The following KIAA0319L variants were observed in gnomAD, a reference collection of about 807,000 sequenced individuals.
KIAA0319L encodes the protein KIAA0319 like.
KIAA0319L carries 55 observed loss-of-function variants against 120.1 expected under a neutral mutation model. That is an observed-to-expected ratio of 0.46 (90% CI 0.37 to 0.57). The LOEUF is 0.57. Ranked by LOEUF, KIAA0319L falls within the 20% of genes least tolerant of loss-of-function variation. The pLI is 0.00. For missense variants in KIAA0319L, 1,049 were observed against 1,255.3 expected (o/e 0.84, Z 2.48); for synonymous variants, 398 against 471.9 (o/e 0.84, Z 2.03).
intron 2 of KIAA0319L, among the ~76,000 whole-genome samples, chr1:35,507,741 C>G (rs993213418): frequency 6.6e-6 from 1 of 152,206 alleles, no homozygotes; most frequent in Non-Finnish European, 1.5e-5. Flanking sequence ...ATCATAGTAT[C>G]AGCCAGAGTG....
At chr1:35,521,313 T>C (rs1037230867) in intron 2 of KIAA0319L, among the ~76,000 whole-genome samples, 2 of 151,922 alleles carry the variant, frequency 1.3e-5, no homozygotes, top group African/African-American at 4.8e-5. Flanking sequence ...ACCTCCAGCC[T>C]GGGCGAGAGA....
At chr1:35,452,786 C>A (rs1642157403) in intron 12 of KIAA0319L, among the ~76,000 whole-genome samples, 1 of 152,068 alleles carries the variant, frequency 6.6e-6, no homozygotes, top group Admixed American at 6.6e-5. Context: ...TTTGTATAGT[C>A]AAATTAAAGT....
At position 35,434,680 on chromosome 1, in the gene KIAA0319L, C is replaced by A; in HGVS notation, c.*214G>T. Reference sequence around the variant, plus strand: ...TGAGGTGAGGATATCTGGGGGCCCACCAGACAGGTTTAAAGAGGAAACCTC... The same window carrying A: ...TGAGGTGAGGATATCTGGGGGCCCAACAGACAGGTTTAAAGAGGAAACCTC... On this transcript the variant is annotated 3_prime_UTR_variant, in exon 21 of 21. Coordinates refer to ENST00000325722, the MANE Select transcript of KIAA0319L (RefSeq NM_024874.5). 1 of 526,964 alleles carries A rather than the reference C, an allele frequency of 1.9e-6. No individual in the cohort carries two copies. The allele number at this position is 526,964 out of a possible 1,614,324, so 32.6% of individuals were successfully genotyped here.
chr1:35,545,109 C>A (rs1346756199), intron 2 of KIAA0319L, among the ~76,000 whole-genome samples: 1 of 152,102 alleles, frequency 6.6e-6, no homozygotes, highest in Admixed American at 6.5e-5. Flanking sequence ...CCCTGCCAGT[C>A]CGTGGCTAGA....
At chr1:35,549,144 G>A (rs979850964) in intron 2 of KIAA0319L, among the ~76,000 whole-genome samples, 5 of 151,692 alleles carry the variant, frequency 3.3e-5, no homozygotes, top group African/African-American at 4.8e-5. Context: ...TTGAACTCCC[G>A]GGCTCAGGTG....
In KIAA0319L at chr1:35,437,860, T is replaced by G. The variant is rs1215994901; in HGVS notation, c.2963-2779A>C. On this transcript the variant is annotated intron_variant, in intron 20 of 20. Transcript: ENST00000325722. This position sits in a 1 kb window ranked among gnomAD's most constrained non-coding sequence, Gnocchi z 4.1. Reference sequence around the variant, plus strand: ...GACTCTTCTGCTGAGTTCCATTTAATTCATCTTCTCTTACCCAGTCACTGC... The same window carrying G: ...GACTCTTCTGCTGAGTTCCATTTAAGTCATCTTCTCTTACCCAGTCACTGC... 6.6e-6 allele frequency among the ~76,000 whole-genome samples: 1 copy of G among 152,200 alleles called. No individual in the cohort carries two copies. The highest frequency in any genetic ancestry group is 1.5e-5 in the Non-Finnish European group (1 of 68,034).
chr1:35,540,948 C>CT (rs1368359207), intron 2 of KIAA0319L, among the ~76,000 whole-genome samples: 113 of 149,344 alleles, frequency 7.6e-4, no homozygotes, highest in Admixed American at 1.3e-3. Flanking sequence ...TTAATTTTCC[C>CT]TTTTTTTTTT....
In KIAA0319L at chr1:35,442,277, G is replaced by A. The variant is rs1641281898; in HGVS notation, c.2839C>T (p.Leu947=). The A allele has an allele frequency of 6.2e-7, 1 of 1,613,818 alleles. No homozygotes were observed. Among genetic ancestry groups the A allele is most frequent in the Non-Finnish European group, 8.5e-7 (1 of 1,179,678 alleles). The change falls in exon 19 of 21, where the codon CTG becomes TTG. Residue 947 remains leucine, a synonymous_variant. Coordinates refer to ENST00000325722, the MANE Select transcript of KIAA0319L (RefSeq NM_024874.5). ...CAACAACAGATCACAGTCCAAGACA[G>A]GATTCCCAAGGCAACAACAATGACA... ...TFVIVVALGI[L]SWTVICCCKR...
intron 3 of KIAA0319L, among the ~76,000 whole-genome samples, chr1:35,486,962 G>T (rs571928446): frequency 6.6e-6 from 1 of 152,214 alleles, no homozygotes; most frequent in South Asian, 2.1e-4. Flanking sequence ...ACATATGATA[G>T]CTACTTTGAA....
At chr1:35,522,469 A>G (rs933147899) in intron 2 of KIAA0319L, among the ~76,000 whole-genome samples, 9 of 151,770 alleles carry the variant, frequency 5.9e-5, no homozygotes, top group Admixed American at 5.9e-4. Context: ...TAGTAGAGAC[A>G]GGGTTTCACC....
intron 3 of KIAA0319L, among the ~76,000 whole-genome samples, chr1:35,505,863 A>G (rs931605516): frequency 9.8e-5 from 15 of 152,338 alleles, no homozygotes; most frequent in African/African-American, 3.6e-4. Flanking sequence ...GATACAGTGC[A>G]ACAATTAGTA....
intron 2 of KIAA0319L, among the ~76,000 whole-genome samples, chr1:35,553,078 CTG>C (rs770351000): frequency 1.8e-4 from 27 of 150,548 alleles, no homozygotes; most frequent in Non-Finnish European, 3.0e-4. Context: ...TGGAGTGACA[CTG>C]TCTTAAAAAA....
intron 2 of KIAA0319L, among the ~76,000 whole-genome samples, chr1:35,516,758 T>C (rs1417893374): frequency 6.6e-6 from 1 of 152,128 alleles, no homozygotes; most frequent in Non-Finnish European, 1.5e-5. Context: ...GGCGAGGAAG[T>C]CCAACTATCC....
At chr1:35,531,367 G>A (rs1045392378) in intron 2 of KIAA0319L, among the ~76,000 whole-genome samples, 11 of 152,208 alleles carry the variant, frequency 7.2e-5, no homozygotes, top group African/African-American at 2.7e-4. Flanking sequence ...CTTGCTGCTA[G>A]AGCCCTCTAG....
Position 35,506,819 on chromosome 1 carries a change from C to T in KIAA0319L, c.459G>A (p.Gly153=), listed in dbSNP as rs768950739. 6.2e-7 allele frequency: 1 copy of T among 1,614,190 alleles called. No individual in the cohort carries two copies. Among genetic ancestry groups the T allele is most frequent in the Non-Finnish European group, 8.5e-7 (1 of 1,180,022 alleles). Residue 153 remains glycine (G), a synonymous_variant, in exon 3 of 21, where the codon GGG becomes GGA. Coordinates refer to ENST00000325722, the MANE Select transcript of KIAA0319L (RefSeq NM_024874.5). The surrounding 1 kb of genome is among the most constrained non-coding windows in gnomAD (Gnocchi z 4.0). ...TCCAAGATGCCCAGTTCCAACCTAG[C>T]CCCAGAAGATGTGGTACATCATCTT... is the stretch of plus-strand genomic sequence containing the variant. ...LPEDDVPHLL[G]LGWNWASWRQ...
intron 3 of KIAA0319L, among the ~76,000 whole-genome samples, chr1:35,497,940 G>A (rs941512118): frequency 4.6e-5 from 7 of 152,046 alleles, no homozygotes; most frequent in African/African-American, 1.7e-4. Context: ...AAAATAATTT[G>A]TTTTAAAGAA....
intron 2 of KIAA0319L, among the ~76,000 whole-genome samples, chr1:35,526,696 G>A (rs937099159): frequency 6.6e-6 from 1 of 152,030 alleles, no homozygotes; most frequent in Non-Finnish European, 1.5e-5. Flanking sequence ...ATATTTTGAA[G>A]TCAGGAAGTG....
chr1:35,473,930 C>G (rs1643792646), intron 5 of KIAA0319L, among the ~76,000 whole-genome samples: 1 of 152,146 alleles, frequency 6.6e-6, no homozygotes, highest in African/African-American at 2.4e-5. Flanking sequence ...TAAGAGAACC[C>G]ATATGTGTTT....
intron 2 of KIAA0319L, among the ~76,000 whole-genome samples, chr1:35,512,871 CA>C (rs746942793): frequency 0.071 from 3,426 of 48,268 alleles, 67 homozygotes; most frequent in African/African-American, 0.17. Flanking sequence ...GACTCCATCT[CA>C]AAAAAAAAAA....
Sources: gnomAD v4.1 joint callset for allele counts (sites outside exome capture counted in the v4.1 genomes callset) on GRCh38, gnomAD v4.1.1 for gene constraint, Gnocchi (gnomAD v3.1) non-coding constraint, MANE v1.5 for transcripts, NCBI Gene and HGNC (gene_info 2026-07-23, HGNC 2026-07-21) for gene names.